The following TMEFF2 variants were observed in gnomAD, a reference collection of about 807,000 sequenced individuals.
TMEFF2 encodes tomoregulin-2.
Under a neutral mutation model 53.8 loss-of-function variants are expected in TMEFF2, and 28 were observed. The ratio of observed to expected loss-of-function variants is 0.52; its 90% CI spans 0.39 to 0.71. The LOEUF (loss-of-function observed/expected upper bound fraction) is 0.71. Among genes scored for constraint, TMEFF2 ranks in the 30% least tolerant of loss-of-function variants. The probability of loss-of-function intolerance (pLI) is 0.00; values close to 1 mark genes in which losing one functional copy is unlikely to be tolerated. For synonymous variants in TMEFF2, 162 were observed against 166.3 expected, an observed-to-expected ratio of 0.97 and a Z score of 0.20; for missense variants, 353 against 455.2, an observed-to-expected ratio of 0.78 and a Z score of 2.04.
chr2:192,018,931 C>T (rs1377224735), intron 5 of TMEFF2, among the ~76,000 whole-genome samples: 4 of 151,942 alleles, frequency 2.6e-5, no homozygotes, highest in Admixed American at 1.3e-4. Context: ...TAAATTCCTT[C>T]TAGCCACAAT....
chr2:191,999,836 A>T (rs1029967266), intron 5 of TMEFF2, among the ~76,000 whole-genome samples: 6 of 151,640 alleles, frequency 4.0e-5, no homozygotes, highest in African/African-American at 1.5e-4. Context: ...CATATAAACA[A>T]CCCTTCTGTA....
chr2:192,172,092 T>A (rs1234921906), intron 4 of TMEFF2, among the ~76,000 whole-genome samples: 2 of 151,898 alleles, frequency 1.3e-5, no homozygotes, highest in African/African-American at 4.8e-5. Flanking sequence ...TGGGAACTGC[T>A]CACATCTATG....
chr2:192,067,580 T>C (rs1313060676), intron 4 of TMEFF2, among the ~76,000 whole-genome samples: 2 of 151,926 alleles, frequency 1.3e-5, no homozygotes, highest in Non-Finnish European at 2.9e-5. Flanking sequence ...GCCAACTTTG[T>C]ACTTAATTCT....
chr2:192,033,624 C>T (rs1407379867), intron 5 of TMEFF2, among the ~76,000 whole-genome samples: 2 of 151,620 alleles, frequency 1.3e-5, no homozygotes, highest in East Asian at 1.9e-4. Context: ...GCCCTCCATC[C>T]ATCAATCCAT....
intron 4 of TMEFF2, among the ~76,000 whole-genome samples, chr2:192,150,960 C>T (rs1052811784): frequency 2.0e-5 from 3 of 151,746 alleles, no homozygotes; most frequent in Non-Finnish European, 4.4e-5. Context: ...AATCTCATCT[C>T]GAATTGTAAT....
chr2:192,130,105 C>A (rs1008093129), intron 4 of TMEFF2, among the ~76,000 whole-genome samples: 5 of 151,890 alleles, frequency 3.3e-5, no homozygotes, highest in Non-Finnish European at 7.4e-5. Context: ...GTTCTGTGAG[C>A]GTACGTATTA....
chr2:192,014,135 A>G (rs1479809107), intron 5 of TMEFF2, among the ~76,000 whole-genome samples: 1 of 152,180 alleles, frequency 6.6e-6, no homozygotes, highest in East Asian at 1.9e-4. Flanking sequence ...TGGAGTACCT[A>G]CCATGTACAG....
chr2:192,012,128 C>G (rs1183052005), intron 5 of TMEFF2, among the ~76,000 whole-genome samples: 2 of 152,198 alleles, frequency 1.3e-5, no homozygotes, highest in African/African-American at 4.8e-5. Flanking sequence ...TGGTCTCAAT[C>G]TCCTGACCTC....
At chr2:191,957,602 C>G (rs1692146263) in intron 7 of TMEFF2, among the ~76,000 whole-genome samples, 1 of 152,182 alleles carries the variant, frequency 6.6e-6, no homozygotes, top group Non-Finnish European at 1.5e-5. Context: ...AATATCTATA[C>G]ATCTTTAAGA....
At chr2:192,090,669 G>T in intron 4 of TMEFF2, among the ~76,000 whole-genome samples, 1 of 152,026 alleles carries the variant, frequency 6.6e-6, no homozygotes, top group East Asian at 1.9e-4. Flanking sequence ...TGTCAAATTT[G>T]CCCATTGTAT....
chr2:191,984,004 C>T (rs1490805291), intron 7 of TMEFF2, among the ~76,000 whole-genome samples: 2 of 152,054 alleles, frequency 1.3e-5, no homozygotes, highest in African/African-American at 2.4e-5. Flanking sequence ...AATCCAAAGT[C>T]GAATAATAGT....
At chr2:192,133,045 C>A (rs370947196) in intron 4 of TMEFF2, among the ~76,000 whole-genome samples, 13 of 152,048 alleles carry the variant, frequency 8.5e-5, no homozygotes, top group East Asian at 5.8e-4. Flanking sequence ...CCCTTGCCTC[C>A]GTAACTGTTG....
At chr2:192,120,087 G>A (rs1689512991) in intron 4 of TMEFF2, among the ~76,000 whole-genome samples, 1 of 152,084 alleles carries the variant, frequency 6.6e-6, no homozygotes, top group African/African-American at 2.4e-5. Context: ...GTTTCCTATG[G>A]GTCAAGGCTC....
Position 192,184,435 on chromosome 2 carries a change from G to C in TMEFF2, c.331C>G (p.Gln111Glu). Residue 111 changes from glutamine to glutamate, a missense_variant, in exon 3 of 10, where the codon CAG (glutamine) becomes GAG (glutamate). Around this residue, in one of 3 missense-constraint regions of TMEFF2, gnomAD observed 294 missense variants for 397.3 expected, o/e 0.74. Coordinates refer to ENST00000272771, the MANE Select transcript of TMEFF2 (RefSeq NM_016192.4). ...GCCTGTCGCAGGTAACACTCATTCT[G>C]GTAGCTCTCCCCATTGGAGCCACAC... ...PVCGSNGESYQNECYLRQAAC... is the reference protein window; with the variant it reads ...PVCGSNGESYENECYLRQAAC... The C allele has an allele frequency of 6.2e-7, 1 of 1,613,360 alleles. No homozygotes were observed. Among genetic ancestry groups the C allele is most frequent in the Non-Finnish European group, 8.5e-7 (1 of 1,179,522 alleles).
In TMEFF2 at chr2:192,077,823, T is replaced by C. The variant is rs188131468; in HGVS notation, c.440-20048A>G. Among the ~76,000 whole-genome samples the C allele has an allele frequency of 1.0e-3, 157 of 152,176 alleles. 1 individual carries two copies. The highest frequency in any genetic ancestry group is 1.9e-4 in the East Asian group (1 of 5,182). The stretch of plus-strand genomic sequence containing the variant: ...GTATATATTTGTATATGTTTATATA[T>C]ATAAGCACAACGTTCTGATTTCTTA... On this transcript the variant is annotated intron_variant, in intron 4 of 9. Transcript: ENST00000272771.
intron 4 of TMEFF2, among the ~76,000 whole-genome samples, chr2:192,122,813 A>G (rs1315382828): frequency 6.6e-6 from 1 of 152,162 alleles, no homozygotes; most frequent in Non-Finnish European, 1.5e-5. Context: ...ATAATCCTAC[A>G]TTATTCAATG....
In TMEFF2 at chr2:192,024,441, A is replaced by T. The variant is rs544412082; in HGVS notation, c.537-25233T>A. On this transcript the variant is annotated intron_variant, in intron 5 of 9. Transcript: ENST00000272771. ...AAGTGAAATGCTTCCTTATGTTAGC[A>T]TGGTATAGAATAGAGCTGTGTCAGG... Among the ~76,000 whole-genome samples the T allele has an allele frequency of 1.2e-4, 19 of 152,314 alleles. 1 individual carries two copies. In the South Asian group the frequency reaches 3.7e-3, roughly 30 times the overall value.
intron 4 of TMEFF2, among the ~76,000 whole-genome samples, chr2:192,108,182 T>A (rs1431988140): frequency 4.6e-5 from 7 of 151,842 alleles, no homozygotes; most frequent in African/African-American, 1.7e-4. Flanking sequence ...GACAAATTAC[T>A]AATCTAGCCA....
intron 4 of TMEFF2, among the ~76,000 whole-genome samples, chr2:192,061,667 G>A (rs755358197): frequency 9.2e-5 from 14 of 152,150 alleles, no homozygotes; most frequent in African/African-American, 2.4e-5. Flanking sequence ...CGAATCTCAT[G>A]TTGAGGTGTA....
Sources: allele counts gnomAD v4.1 joint callset (sites outside exome capture counted in the v4.1 genomes callset), GRCh38; gene constraint gnomAD v4.1.1; regional missense constraint gnomAD v4.1.1; transcripts MANE v1.5; gene names NCBI Gene and HGNC (gene_info 2026-07-23, HGNC 2026-07-21).